The following RASSF3 variants were observed in gnomAD, a reference collection of about 807,000 sequenced individuals.
RASSF3 encodes Ras association domain family member 3.
A neutral mutation model predicts 19.9 loss-of-function variants in RASSF3; 19 were observed. The ratio of observed to expected loss-of-function variants is 0.96; its 90% confidence interval spans 0.67 to 1.40. The LOEUF is 1.40. Ranked by LOEUF, RASSF3 falls within the 40% of genes most tolerant of loss-of-function variation. RASSF3 has a pLI of 0.00. For synonymous variants in RASSF3, 110 were observed against 104.2 expected, an observed-to-expected ratio of 1.06 and a Z score of -0.34; for missense variants, 306 against 289.8, an observed-to-expected ratio of 1.06 and a Z score of -0.41.
At chr12:64,559,473 G>A (rs142840787) in intron 2 of RASSF3, among the ~76,000 whole-genome samples, 2,343 of 151,976 alleles carry the variant, frequency 0.015, 57 homozygotes, top group African/African-American at 0.054. Flanking sequence ...GTTTCACCGT[G>A]TTAGCCAGGA....
At chr12:64,524,556 G>A (rs992154537) in intron 1 of RASSF3, among the ~76,000 whole-genome samples, 1 of 151,842 alleles carries the variant, frequency 6.6e-6, no homozygotes, top group African/African-American at 2.4e-5. Flanking sequence ...ACATTCTCAC[G>A]TACAACACAC....
At chr12:64,549,660 G>C (rs567517723) in intron 2 of RASSF3, among the ~76,000 whole-genome samples, 1 of 152,130 alleles carries the variant, frequency 6.6e-6, no homozygotes, top group African/African-American at 2.4e-5. Context: ...CCCCTCCTGT[G>C]GGGGGTGTTG....
intron 1 of RASSF3, among the ~76,000 whole-genome samples, chr12:64,621,910 G>T (rs1870783943): frequency 6.6e-6 from 1 of 152,168 alleles, no homozygotes; most frequent in African/African-American, 2.4e-5. Flanking sequence ...GTGGGATTCA[G>T]AAGGTGGGGA....
chr12:64,658,575 G>A (rs866368044), intron 1 of RASSF3, among the ~76,000 whole-genome samples: 7 of 152,198 alleles, frequency 4.6e-5, no homozygotes, highest in Admixed American at 6.5e-5. Flanking sequence ...GCTGAGGCGG[G>A]CGGATCGCTT....
At chr12:64,626,502 A>G (rs1360624092) in intron 1 of RASSF3, among the ~76,000 whole-genome samples, 2 of 151,688 alleles carry the variant, frequency 1.3e-5, no homozygotes, top group East Asian at 1.9e-4. Context: ...AAAAAAAAAA[A>G]AAAGAAAAAA....
intron 2 of RASSF3, among the ~76,000 whole-genome samples, chr12:64,601,716 G>C (rs142349009): frequency 6.6e-6 from 1 of 152,046 alleles, no homozygotes; most frequent in Admixed American, 6.6e-5. Flanking sequence ...AGGAGGCCGA[G>C]GTGGGAAGGT....
At chr12:64,612,741 G>T (rs1592419110) in intron 1 of RASSF3, among the ~76,000 whole-genome samples, 2 of 152,208 alleles carry the variant, frequency 1.3e-5, no homozygotes, top group Middle Eastern at 3.4e-3. Flanking sequence ...CTCCCAAAGT[G>T]CAGGGATTAC....
At chr12:64,689,805 G>C (rs866764174) in intron 3 of RASSF3, among the ~76,000 whole-genome samples, 3 of 11,184 alleles carry the variant, frequency 2.7e-4, no homozygotes, top group African/African-American at 2.9e-4. Flanking sequence ...TTTTTTTTTT[G>C]AGACGGAGTC....
At chr12:64,597,659 T>C (rs902918135) in intron 2 of RASSF3, among the ~76,000 whole-genome samples, 16 of 152,064 alleles carry the variant, frequency 1.1e-4, no homozygotes, top group Non-Finnish European at 2.1e-4. Context: ...GGTTTCACCA[T>C]GTTGCCCAGG....
intron 2 of RASSF3, among the ~76,000 whole-genome samples, chr12:64,572,094 A>T (rs1869527648): frequency 6.6e-6 from 1 of 151,980 alleles, no homozygotes; most frequent in Non-Finnish European, 1.5e-5. Flanking sequence ...CACTGATCAC[A>T]GTTTGTAATT....
chr12:64,617,900 A>G (rs1870609483), intron 1 of RASSF3, among the ~76,000 whole-genome samples: 1 of 152,118 alleles, frequency 6.6e-6, no homozygotes, highest in African/African-American at 2.4e-5. Flanking sequence ...GAAGTGTATC[A>G]CTTCCTGTTT....
chr12:64,616,211 T>C (rs1870546475), intron 1 of RASSF3, among the ~76,000 whole-genome samples: 1 of 152,216 alleles, frequency 6.6e-6, no homozygotes, highest in Non-Finnish European at 1.5e-5. Context: ...TAAAGCCTCA[T>C]ATTTGAGTAG....
intron 2 of RASSF3, among the ~76,000 whole-genome samples, chr12:64,582,453 T>C (rs1054655969): frequency 3.3e-5 from 5 of 152,344 alleles, no homozygotes; most frequent in Admixed American, 6.5e-5. Flanking sequence ...TGAAAAGCTT[T>C]ACTATTTTCT....
chr12:64,636,614 C>G (rs571862106), intron 1 of RASSF3, among the ~76,000 whole-genome samples: 10 of 151,884 alleles, frequency 6.6e-5, no homozygotes, highest in African/African-American at 1.9e-4. Context: ...GCCTGTAATC[C>G]CAGCACTTTG....
At chr12:64,647,384 C>T (rs1244649450) in intron 1 of RASSF3, among the ~76,000 whole-genome samples, 1 of 151,652 alleles carries the variant, frequency 6.6e-6, no homozygotes, top group Non-Finnish European at 1.5e-5. Context: ...TGCAGGCACA[C>T]ACCACCATGC....
At chr12:64,530,406 G>T (rs1868683469), upstream of RASSF3, among the ~76,000 whole-genome samples, 1 of 151,718 alleles carries the variant, frequency 6.6e-6, no homozygotes, top group South Asian at 2.1e-4. Context: ...GCCTCCCAAA[G>T]TGCTGGGATT....
At chr12:64,669,434 G>T (rs1872626653) in intron 1 of RASSF3, among the ~76,000 whole-genome samples, 2 of 151,972 alleles carry the variant, frequency 1.3e-5, no homozygotes, top group Non-Finnish European at 2.9e-5. Flanking sequence ...TCTAGGCAGG[G>T]CATATCCTGT....
At chr12:64,672,309 C>T (rs1422412192) in intron 1 of RASSF3, among the ~76,000 whole-genome samples, 1 of 152,004 alleles carries the variant, frequency 6.6e-6, no homozygotes, top group East Asian at 1.9e-4. Context: ...CACTGGAACC[C>T]CCGCCTCCTG....
intron 1 of RASSF3, among the ~76,000 whole-genome samples, chr12:64,515,346 C>T (rs957571150): frequency 2.0e-5 from 3 of 152,174 alleles, no homozygotes; most frequent in Non-Finnish European, 4.4e-5. Flanking sequence ...TGAGCCACCA[C>T]GCCTGGCCTA....
Sources: allele counts gnomAD v4.1 joint callset (sites outside exome capture counted in the v4.1 genomes callset), GRCh38; gene constraint gnomAD v4.1.1; transcripts MANE v1.5; gene names NCBI Gene and HGNC (gene_info 2026-07-23, HGNC 2026-07-21).